The following SUN1 variants were observed in gnomAD, a reference collection of about 807,000 sequenced individuals.
SUN1 encodes the protein Sad1 and UNC84 domain containing 1.
SUN1 carries 61 observed loss-of-function variants against 103.2 expected under a neutral mutation model. The observed-to-expected ratio is 0.59, with a 90% CI of 0.48 to 0.73. The LOEUF (loss-of-function observed/expected upper bound fraction) is 0.73, where lower values mean the gene tolerates loss of function less well. Ranked by LOEUF, SUN1 falls within the 30% of genes least tolerant of loss-of-function variation. SUN1 has a pLI of 0.00. For synonymous variants in SUN1, 490 were observed against 425.7 expected (o/e 1.15, Z -1.86); for missense variants, 1,052 against 1,034.6 (o/e 1.02, Z -0.23).
intron 15 of SUN1, among the ~76,000 whole-genome samples, chr7:862,836 T>C (rs1220687949): frequency 2.0e-5 from 3 of 152,212 alleles, no homozygotes. Flanking sequence ...TACATTAAAA[T>C]CCCATGGTTT....
intron 12 of SUN1, 89 bp downstream of exon 12, chr7:856,490 G>A (rs909815941): frequency 4.2e-5 from 62 of 1,483,498 alleles, no homozygotes; most frequent in Non-Finnish European, 4.9e-5. Flanking sequence ...TGGGGGACCC[G>A]GGGCCGGCCT....
chr7:842,360 A>G, intron 3 of SUN1: 1 of 551,682 alleles, frequency 1.8e-6, no homozygotes, highest in Non-Finnish European at 3.3e-6. Context: ...AGCTGCTTCC[A>G]TGTGCGCCTT....
At chr7:817,477 C>T in intron 1 of SUN1, 6 of 1,536,022 alleles carry the variant, frequency 3.9e-6, no homozygotes, top group Non-Finnish European at 5.2e-6. Context: ...TTTCTCCCGG[C>T]TCCCCAGGGC....
chr7:870,146 C>T (rs573365709), intron 17 of SUN1, among the ~76,000 whole-genome samples: 13 of 148,766 alleles, frequency 8.7e-5, no homozygotes, highest in East Asian at 2.0e-4. Flanking sequence ...TGGAGGTTGC[C>T]GTGAGCTGAG....
chr7:852,757 T>A (rs1033090353), intron 8 of SUN1, 53 bp from the exon 9 acceptor site: 8 of 1,612,422 alleles, frequency 5.0e-6, no homozygotes, highest in Non-Finnish European at 6.8e-6. Context: ...TGTAAGTCCA[T>A]GTTTTGAGAA....
At chr7:861,603 C>T in intron 15 of SUN1, 139 bp downstream of exon 15, 1 of 823,420 alleles carries the variant, frequency 1.2e-6, no homozygotes, top group Non-Finnish European at 2.0e-6. Context: ...GAGCATGATT[C>T]TGGGCATGAC....
At chr7:827,308 C>T (rs1793130320) in intron 1 of SUN1, among the ~76,000 whole-genome samples, 1 of 152,056 alleles carries the variant, frequency 6.6e-6, no homozygotes, top group Non-Finnish European at 1.5e-5. Context: ...TTATAGGTGT[C>T]AGCCACTGTG....
chr7:837,605 T>C (rs999332377), intron 1 of SUN1, among the ~76,000 whole-genome samples: 3 of 152,246 alleles, frequency 2.0e-5, no homozygotes, highest in Non-Finnish European at 1.5e-5. Flanking sequence ...TACTTAATTC[T>C]CTCTAATCCT....
chr7:857,376 G>C (rs979603090), intron 12 of SUN1, among the ~76,000 whole-genome samples: 1 of 151,918 alleles, frequency 6.6e-6, no homozygotes, highest in African/African-American at 2.4e-5. Context: ...TCTGGGAATG[G>C]GCTTTTTGAG....
At chr7:815,841 C>G (rs1583566233), upstream of SUN1, 1 of 206,238 alleles carries the variant, frequency 4.8e-6, no homozygotes, top group African/African-American at 2.4e-5. Context: ...CTGCGAGCGC[C>G]TGCGCACGCC....
At chr7:859,673 T>C (rs1830650405) in intron 13 of SUN1, among the ~76,000 whole-genome samples, 1 of 152,256 alleles carries the variant, frequency 6.6e-6, no homozygotes. Context: ...GGTATACACA[T>C]ATGTGTTTGT....
In SUN1 at chr7:817,157, G is replaced by A. The variant is rs1781390883; in HGVS notation, c.-74+484G>A. Reference sequence around the variant, plus strand: ...GGTTTTATTTAAGAGGGGGGGTCTCGCTGTGTTTCCCAGGCTGGTCTCGAC... The same window carrying A: ...GGTTTTATTTAAGAGGGGGGGTCTCACTGTGTTTCCCAGGCTGGTCTCGAC... On this transcript the variant is annotated intron_variant, in intron 1 of 17. Transcript: ENST00000389574. The A allele has an allele frequency of 8.6e-6, 4 of 463,444 alleles. No homozygotes were observed. The South Asian group carries it at 8.8e-5, about 10-fold the overall frequency. 28.7% of individuals were successfully genotyped at this position (463,444 alleles called of 1,614,324 possible).
chr7:862,631 T>C (rs1179715246), intron 15 of SUN1, among the ~76,000 whole-genome samples: 2 of 152,180 alleles, frequency 1.3e-5, no homozygotes, highest in African/African-American at 2.4e-5. Flanking sequence ...ACATGAACCA[T>C]ACAGTTTGGG....
intron 1 of SUN1, among the ~76,000 whole-genome samples, chr7:822,782 A>G (rs909612486): frequency 2.0e-5 from 3 of 152,202 alleles, no homozygotes; most frequent in Non-Finnish European, 2.9e-5. Context: ...CAGCTGACAT[A>G]CCTGTTCCGG....
At chr7:830,010 A>G (rs540535640), upstream of SUN1, among the ~76,000 whole-genome samples, 2 of 152,224 alleles carry the variant, frequency 1.3e-5, no homozygotes, top group Non-Finnish European at 2.9e-5. Flanking sequence ...TTTATCCTAT[A>G]ATTTAATATT....
Position 859,982 on chromosome 7 carries a change from T to A in SUN1, c.1525-146T>A, listed in dbSNP as rs984483940. 52 of 1,114,182 alleles carry A rather than the reference T, an allele frequency of 4.7e-5. No homozygotes were observed. The Middle Eastern group carries it at 1.0e-3, about 22-fold the overall frequency. 69.0% of individuals were successfully genotyped at this position (1,114,182 alleles called of 1,614,324 possible). A position where few individuals can be genotyped will look rare whatever the true frequency, so the allele number is the denominator to read the frequency against. ...TGCATTATTGGAGGGGTTATTAAAT[T>A]TAATATGAAGGAAAACACTGTCACA... On this transcript the variant is annotated intron_variant, in intron 13 of 18. Transcript: ENST00000401592.
chr7:819,726 T>G (rs1784231407), intron 1 of SUN1, among the ~76,000 whole-genome samples: 1 of 151,090 alleles, frequency 6.6e-6, no homozygotes. Context: ...TTTTTTTTTT[T>G]GAGATGGAAT....
At chr7:822,067 A>C (rs1033903223) in intron 1 of SUN1, among the ~76,000 whole-genome samples, 3 of 152,198 alleles carry the variant, frequency 2.0e-5, no homozygotes, top group Non-Finnish European at 4.4e-5. Flanking sequence ...TTATAGATAG[A>C]GGAGACCAGG....
intron 16 of SUN1, 164 bp from the exon 17 acceptor site, chr7:869,185 G>A (rs1839650381): frequency 2.4e-6 from 2 of 831,354 alleles, no homozygotes; most frequent in Non-Finnish European, 3.8e-6. Context: ...TCTGAGGAGT[G>A]AATTACAAAT....
Sources: allele counts gnomAD v4.1 joint callset (sites outside exome capture counted in the v4.1 genomes callset), GRCh38; gene constraint gnomAD v4.1.1; transcripts MANE v1.5; gene names NCBI Gene and HGNC (gene_info 2026-07-23, HGNC 2026-07-21).